The following ARHGAP39 variants were observed in gnomAD, a reference collection of about 807,000 sequenced individuals.
ARHGAP39 encodes rho GTPase-activating protein 39.
ARHGAP39 carries 44 observed loss-of-function variants against 106.9 expected under a neutral mutation model. That is an observed-to-expected ratio of 0.41 (90% CI 0.32 to 0.53). The LOEUF is 0.53. ARHGAP39 is among the 20% of genes least tolerant of loss of function. ARHGAP39 has a pLI of 0.21. For missense variants in ARHGAP39, 1,496 were observed against 1,577.3 expected, an observed-to-expected ratio of 0.95 and a Z score of 0.87; for synonymous variants, 768 against 693.2, an observed-to-expected ratio of 1.11 and a Z score of -1.69.
chr8:144,552,347 G>A (rs769296830), intron 4 of ARHGAP39, among the ~76,000 whole-genome samples: 43 of 152,282 alleles, frequency 2.8e-4, no homozygotes, highest in Non-Finnish European at 4.6e-4. Context: ...AGCGGCTGCT[G>A]TCCCTGCAGA....
chr8:144,616,488 A>G (rs1820640307), intron 1 of ARHGAP39, among the ~76,000 whole-genome samples: 1 of 152,194 alleles, frequency 6.6e-6, no homozygotes, highest in African/African-American at 2.4e-5. Context: ...CTTGTGTCCT[A>G]GGAGGCCGCC....
Position 144,637,713 on chromosome 8 carries a change from T to C in ARHGAP39, c.-81-32018A>G, listed in dbSNP as rs895423590. Among the ~76,000 whole-genome samples, 9 of 150,196 alleles carry C rather than the reference T, an allele frequency of 6.0e-5. No homozygotes were observed. In the South Asian group the frequency reaches 1.7e-3, roughly 28 times the overall value. On this transcript the variant is annotated intron_variant, in intron 1 of 11. Transcript: ENST00000377307. Reference sequence around the variant, plus strand: ...TCTTTTTGCATCTCTCTCTCTCTCTTTTTTTTTTAGACGGTCTTGCTCGGT... The same window carrying C: ...TCTTTTTGCATCTCTCTCTCTCTCTCTTTTTTTTAGACGGTCTTGCTCGGT...
intron 1 of ARHGAP39, among the ~76,000 whole-genome samples, chr8:144,615,164 T>C (rs2130960168): frequency 6.6e-6 from 1 of 152,236 alleles, no homozygotes; most frequent in South Asian, 2.1e-4. Context: ...TACCAAAAAA[T>C]ACAATGATTA....
At chr8:144,556,764 C>A (rs1370308802) in intron 3 of ARHGAP39, among the ~76,000 whole-genome samples, 29 of 19,390 alleles carry the variant, frequency 1.5e-3, no homozygotes, top group African/African-American at 0.011. Flanking sequence ...AAAGGCTGAA[C>A]CTTCATAGTA....
rs112539850 is a variant in ARHGAP39 at position 144,641,833 on chromosome 8, G to A, written c.-81-36138C>T. Among the ~76,000 whole-genome samples, 5,485 of 152,332 alleles carry A rather than the reference G, an allele frequency of 0.036. 338 individuals carry two copies. Among genetic ancestry groups the A allele is most frequent in the African/African-American group, 0.13 (5,230 of 41,560 alleles). On this transcript the variant is annotated intron_variant, in intron 1 of 11. Coordinates refer to ENST00000377307, the MANE Select transcript of ARHGAP39 (RefSeq NM_025251.3). This position sits in a 1 kb window ranked among gnomAD's most constrained non-coding sequence, Gnocchi z 5.2. ...AAGGAGAGGGGGACATCCCATCACA[G>A]TGCAGCCACGAGGAGGAGGGGTACC...
At chr8:144,573,345 C>G (rs1818650804) in intron 3 of ARHGAP39, among the ~76,000 whole-genome samples, 1 of 151,626 alleles carries the variant, frequency 6.6e-6, no homozygotes, top group African/African-American at 2.4e-5. Flanking sequence ...TCTGAGCAAA[C>G]TATCACAAGG....
At position 144,530,359 on chromosome 8, in the gene ARHGAP39, C is replaced by G. The variant is rs535471095; in HGVS notation, c.*63G>C. On this transcript the variant is annotated 3_prime_UTR_variant, in exon 12 of 12. Coordinates refer to ENST00000377307, the MANE Select transcript of ARHGAP39 (RefSeq NM_025251.3). ...GATTCTGGCCCCTCTGCCGGGAGAG[C>G]GAGTGCGGAGTTCGGCCTGGCTGGG... is the stretch of plus-strand genomic sequence containing the variant. The G allele has an allele frequency of 1.1e-5, 16 of 1,496,376 alleles. No individual in the cohort carries two copies. Among genetic ancestry groups the G allele is most frequent in the Middle Eastern group, 2.1e-4 (1 of 4,764 alleles). The allele number at this position is 1,496,376 out of a possible 1,614,324, so 92.7% of individuals were successfully genotyped here.
the ARHGAP39 span, chr8:144,698,992 T>C: frequency 4.8e-6 from 2 of 414,484 alleles, no homozygotes; most frequent in Admixed American, 5.4e-5. Context: ...CTCTTTGGAG[T>C]GGCCCATCCA....
rs762268313 is a variant in ARHGAP39 at position 144,548,427 on chromosome 8, C to G, written c.659G>C (p.Arg220Pro). 3.7e-6 allele frequency: 6 copies of G among 1,610,650 alleles called. No homozygotes were observed. The African/African-American group carries it at 6.7e-5, about 18-fold the overall frequency. ...KERMLIKVAD[R>P]EPSFLAAQGN... is the part of the protein sequence containing the mutation. Reference sequence around the variant, plus strand: ...CTGGGCGGCGAGGAAGCTGGGCTCCCGATCAGCGACCTTGATGAGCATGCG... The same window carrying G: ...CTGGGCGGCGAGGAAGCTGGGCTCCGGATCAGCGACCTTGATGAGCATGCG... Residue 220 changes from arginine to proline, a missense_variant, in exon 5 of 12, where the codon CGG becomes CCG. Transcript: ENST00000377307. This position sits in a 1 kb window ranked among gnomAD's most constrained non-coding sequence, Gnocchi z 7.4.
chr8:144,605,458 T>A, intron 2 of ARHGAP39, 77 bp downstream of exon 2: 1 of 1,464,468 alleles, frequency 6.8e-7, no homozygotes, highest in Admixed American at 1.7e-5. Context: ...GCATGCACAC[T>A]GCTTTCTCTG....
At chr8:144,642,328 A>G (rs1208022981) in intron 1 of ARHGAP39, among the ~76,000 whole-genome samples, 1 of 152,114 alleles carries the variant, frequency 6.6e-6, no homozygotes, top group African/African-American at 2.4e-5. Flanking sequence ...TCTACTAAAA[A>G]TACAAAATAT....
At chr8:144,632,823 A>G (rs986016170) in intron 1 of ARHGAP39, among the ~76,000 whole-genome samples, 2 of 152,262 alleles carry the variant, frequency 1.3e-5, no homozygotes, top group Non-Finnish European at 2.9e-5. Flanking sequence ...GCTGTCAAAG[A>G]GAAAATACTC....
chr8:144,644,224 C>T lies in ARHGAP39; in HGVS notation c.-81-38529G>A, dbSNP rs1821384932. Among the ~76,000 whole-genome samples the T allele has an allele frequency of 6.6e-6, 1 of 152,120 alleles. No homozygotes were observed. The highest frequency in any genetic ancestry group is 2.4e-5 in the African/African-American group (1 of 41,406). On this transcript the variant is annotated intron_variant, in intron 1 of 11. Coordinates refer to ENST00000377307, the MANE Select transcript of ARHGAP39 (RefSeq NM_025251.3). This position sits in a 1 kb window ranked among gnomAD's most constrained non-coding sequence, Gnocchi z 4.8. ...GGACCCACTCAATGCGATGCTTCAG[C>T]CATAGAGAGGGATTGGCTCTAAGGC...
chr8:144,530,969 G>T, intron 10 of ARHGAP39, 98 bp from the exon 11 acceptor site: 2 of 1,432,638 alleles, frequency 1.4e-6, no homozygotes, highest in South Asian at 1.3e-5. Flanking sequence ...TGCTGTGGGG[G>T]ACAGGCTGGG....
chr8:144,639,734 G>A (rs555304140), intron 1 of ARHGAP39, among the ~76,000 whole-genome samples: 4 of 152,082 alleles, frequency 2.6e-5, no homozygotes, highest in African/African-American at 9.7e-5. Context: ...GATGTGAGCA[G>A]AGCACGTGCT....
intron 2 of ARHGAP39, chr8:144,584,064 CT>C (rs1016232497): frequency 6.6e-6 from 1 of 152,180 alleles, no homozygotes; most frequent in African/African-American, 2.4e-5. Context: ...AGTTATATAG[CT>C]TTATTTTTAA....
intron 1 of ARHGAP39, among the ~76,000 whole-genome samples, chr8:144,653,115 T>C (rs540736775): frequency 2.5e-4 from 38 of 152,220 alleles, no homozygotes; most frequent in African/African-American, 8.2e-4. Context: ...CTGATCAACA[T>C]GGTGAAACCC....
In ARHGAP39 at chr8:144,568,729, T is replaced by G. The variant is rs1205613556; in HGVS notation, c.512+12117A>C. Among the ~76,000 whole-genome samples the G allele has an allele frequency of 3.3e-5, 5 of 152,170 alleles. No individual in the cohort carries two copies. In the East Asian group the frequency reaches 9.6e-4, roughly 29 times the overall value. On this transcript the variant is annotated intron_variant, in intron 3 of 11. Transcript: ENST00000377307. ...ACACCATTTATGAAGCGGGATAATATCATTTGAAAGTCAACTATGGTAAGT... is the reference window on the plus strand; with the variant it reads ...ACACCATTTATGAAGCGGGATAATAGCATTTGAAAGTCAACTATGGTAAGT...
At chr8:144,549,310 G>A (rs540987806) in intron 4 of ARHGAP39, among the ~76,000 whole-genome samples, 1 of 152,358 alleles carries the variant, frequency 6.6e-6, no homozygotes, top group Non-Finnish European at 1.5e-5. Context: ...AGGGAGAGAC[G>A]AGGGGCCCCT....
Sources: allele counts gnomAD v4.1 joint callset (sites outside exome capture counted in the v4.1 genomes callset), GRCh38; gene constraint gnomAD v4.1.1; non-coding constraint Gnocchi (gnomAD v3.1); transcripts MANE v1.5; gene names NCBI Gene and HGNC (gene_info 2026-07-23, HGNC 2026-07-21).